The following NSMCE2 variants were observed in gnomAD, a reference collection of about 807,000 sequenced individuals.
The protein encoded by NSMCE2 is E3 SUMO-protein ligase NSE2.
A neutral mutation model predicts 23.8 loss-of-function variants in NSMCE2; 24 were observed. The ratio of observed to expected loss-of-function variants is 1.01; its 90% confidence interval spans 0.73 to 1.42. The LOEUF (loss-of-function observed/expected upper bound fraction) is 1.42, where lower values mean the gene tolerates loss of function less well. Ranked by LOEUF, NSMCE2 falls within the 40% of genes most tolerant of loss-of-function variation. The probability of loss-of-function intolerance (pLI) is 0.00; values close to 1 mark genes in which losing one functional copy is unlikely to be tolerated. For synonymous variants in NSMCE2, 92 were observed against 94.1 expected, an observed-to-expected ratio of 0.98 and a Z score of 0.13; for missense variants, 284 against 296.5, an observed-to-expected ratio of 0.96 and a Z score of 0.31.
intron 4 of NSMCE2, among the ~76,000 whole-genome samples, chr8:125,154,900 T>C (rs952413091): frequency 6.6e-6 from 1 of 152,228 alleles, no homozygotes; most frequent in Non-Finnish European, 1.5e-5. Context: ...TCTACGCTTT[T>C]ATTAAGTACA....
chr8:125,276,842 C>A (rs897789406), intron 5 of NSMCE2, among the ~76,000 whole-genome samples: 5 of 152,190 alleles, frequency 3.3e-5, no homozygotes, highest in Non-Finnish European at 7.3e-5. Context: ...CACTGACCTG[C>A]CAAATGCCAT....
In NSMCE2 at chr8:125,123,620, A is replaced by G. The variant is rs147871506; in HGVS notation, c.157+21133A>G. Among the ~76,000 whole-genome samples, 247 of 152,296 alleles carry G rather than the reference A, an allele frequency of 1.6e-3. 2 individuals are homozygous for G. Among genetic ancestry groups the G allele is most frequent in the Non-Finnish European group, 2.4e-3 (166 of 68,018 alleles). On this transcript the variant is annotated intron_variant, in intron 3 of 7. Transcript: ENST00000287437. ...CACACGCACACAAACACACACACAC[A>G]AGTGTGCATCTTGTGTAGATCAACA...
intron 5 of NSMCE2, among the ~76,000 whole-genome samples, chr8:125,268,359 C>T (rs745489033): frequency 2.6e-5 from 4 of 151,760 alleles, no homozygotes; most frequent in African/African-American, 4.8e-5. Context: ...TTCTGTTGGT[C>T]GTTTGAAGGA....
chr8:125,198,864 A>T (rs1311231979), intron 5 of NSMCE2, among the ~76,000 whole-genome samples: 1 of 151,912 alleles, frequency 6.6e-6, no homozygotes, highest in Non-Finnish European at 1.5e-5. Flanking sequence ...TCAATTTCAG[A>T]CCCTGTTATT....
intron 3 of NSMCE2, among the ~76,000 whole-genome samples, chr8:125,131,488 T>A (rs1819768288): frequency 6.6e-6 from 1 of 152,058 alleles, no homozygotes; most frequent in Non-Finnish European, 1.5e-5. Context: ...AGATCTCAAA[T>A]ATAAGGCCAA....
At chr8:125,334,966 C>T (rs1472390606) in intron 5 of NSMCE2, among the ~76,000 whole-genome samples, 3 of 151,490 alleles carry the variant, frequency 2.0e-5, no homozygotes, top group Non-Finnish European at 2.9e-5. Context: ...ATGTTGCCCA[C>T]GCTCATCTCA....
At chr8:125,313,934 A>G (rs1829073328) in intron 5 of NSMCE2, among the ~76,000 whole-genome samples, 1 of 152,188 alleles carries the variant, frequency 6.6e-6, no homozygotes, top group South Asian at 2.1e-4. Flanking sequence ...CTATCTTCCA[A>G]CCAAGACCCC....
At chr8:125,348,024 G>A (rs1357707241) in intron 5 of NSMCE2, among the ~76,000 whole-genome samples, 4 of 152,140 alleles carry the variant, frequency 2.6e-5, no homozygotes, top group African/African-American at 7.2e-5. Context: ...GTTCTCTCTC[G>A]AGACCTTCCT....
rs1395200380 is a variant in NSMCE2, at chr8:125,091,873, G to C, written c.-196G>C. On this transcript the variant is annotated 5_prime_UTR_variant, in exon 1 of 8. Transcript: ENST00000287437. ...CAAGAGCCCGCTCTCACTTTTCAGC[G>C]GCAGGCGAAGGGGGCTGAGGAAAGG... 1 of 152,410 alleles carries C rather than the reference G, an allele frequency of 6.6e-6. No individual in the cohort carries two copies. The highest frequency in any genetic ancestry group is 1.5e-5 in the Non-Finnish European group (1 of 68,188). 9.4% of individuals were successfully genotyped at this position (152,410 alleles called of 1,614,324 possible).
At chr8:125,294,029 C>G (rs1443241096) in intron 5 of NSMCE2, among the ~76,000 whole-genome samples, 4 of 152,184 alleles carry the variant, frequency 2.6e-5, no homozygotes, top group African/African-American at 9.7e-5. Flanking sequence ...TCTCTATTTG[C>G]TGTTTGGGAC....
At chr8:125,293,175 A>G (rs745800868) in intron 5 of NSMCE2, among the ~76,000 whole-genome samples, 1 of 152,144 alleles carries the variant, frequency 6.6e-6, no homozygotes, top group African/African-American at 2.4e-5. Flanking sequence ...TAAGAATGCT[A>G]TTACTATTAT....
At chr8:125,320,647 T>C (rs1829415116) in intron 5 of NSMCE2, among the ~76,000 whole-genome samples, 1 of 151,928 alleles carries the variant, frequency 6.6e-6, no homozygotes, top group Non-Finnish European at 1.5e-5. Context: ...CCCAGCAAAA[T>C]ATATTTTTTA....
At chr8:125,261,461 A>T (rs1826688583) in intron 5 of NSMCE2, among the ~76,000 whole-genome samples, 2 of 152,188 alleles carry the variant, frequency 1.3e-5, no homozygotes, top group Non-Finnish European at 2.9e-5. Context: ...ATTCTCAGGT[A>T]ATTGGGGGTA....
chr8:125,283,275 A>G (rs1827764060), intron 5 of NSMCE2, among the ~76,000 whole-genome samples: 1 of 152,212 alleles, frequency 6.6e-6, no homozygotes, highest in Non-Finnish European at 1.5e-5. Context: ...GGGGCTAGGC[A>G]TGGTGGCTCA....
At position 125,172,043 on chromosome 8, in the gene NSMCE2, T is replaced by A. The variant is rs374435320; in HGVS notation, c.265-10060T>A. 4.7e-4 allele frequency among the ~76,000 whole-genome samples: 72 copies of A among 152,336 alleles called. 1 individual carries two copies. The South Asian group carries it at 7.9e-3, about 17-fold the overall frequency. On this transcript the variant is annotated intron_variant, in intron 4 of 7. Coordinates refer to ENST00000287437, the MANE Select transcript of NSMCE2 (RefSeq NM_173685.4). ...AAATTCTTTACCTACATTAATTCATTTAATACTCAAAGGTTAAGTAGATTA... is the reference window on the plus strand; with the variant it reads ...AAATTCTTTACCTACATTAATTCATATAATACTCAAAGGTTAAGTAGATTA...
rs148666242 is a variant in NSMCE2, at chr8:125,266,698, G to C, written c.418+84442G>C. Among the ~76,000 whole-genome samples the C allele has an allele frequency of 6.7e-3, 1,024 of 152,290 alleles. 5 individuals carry two copies. Among genetic ancestry groups the C allele is most frequent in the Non-Finnish European group, 9.2e-3 (625 of 68,016 alleles). On this transcript the variant is annotated intron_variant, in intron 5 of 7. Coordinates refer to ENST00000287437, the MANE Select transcript of NSMCE2 (RefSeq NM_173685.4). The stretch of plus-strand genomic sequence containing the variant: ...TGAGAATTTCAGATCCAGTATACCT[G>C]TTGGGGATGAATAGCAAAAGAAAGT...
chr8:125,246,600 C>T (rs1397888274), intron 5 of NSMCE2, among the ~76,000 whole-genome samples: 1 of 152,168 alleles, frequency 6.6e-6, no homozygotes, highest in Non-Finnish European at 1.5e-5. Flanking sequence ...AAATTCCAGA[C>T]ATATTTATCA....
chr8:125,331,802 C>T (rs1247503332), intron 5 of NSMCE2, among the ~76,000 whole-genome samples: 1 of 152,148 alleles, frequency 6.6e-6, no homozygotes. Flanking sequence ...TAGCATGGTC[C>T]ACTTCTTGCA....
intron 1 of NSMCE2, among the ~76,000 whole-genome samples, chr8:125,099,485 C>G (rs1563648667): frequency 6.6e-6 from 1 of 151,952 alleles, no homozygotes; most frequent in East Asian, 1.9e-4. Flanking sequence ...GGATTCTGAA[C>G]CTGGGACCCT....
Sources: allele counts gnomAD v4.1 joint callset (sites outside exome capture counted in the v4.1 genomes callset), GRCh38; gene constraint gnomAD v4.1.1; transcripts MANE v1.5; gene names NCBI Gene and HGNC (gene_info 2026-07-23, HGNC 2026-07-21).